Variants in CDC27 observed in about 807,000 individuals in gnomAD.
CDC27 encodes the protein cell division cycle protein 27 homolog.
A neutral mutation model predicts 109.7 loss-of-function variants in CDC27; 27 were observed. The observed-to-expected ratio is 0.25, with a 90% CI of 0.18 to 0.34. The LOEUF (loss-of-function observed/expected upper bound fraction) is 0.34, where lower values mean the gene tolerates loss of function less well. Ranked by LOEUF, CDC27 falls within the 10% of genes least tolerant of loss-of-function variation. The pLI is 1.00. For synonymous variants in CDC27, 266 were observed against 333.9 expected, an observed-to-expected ratio of 0.80 and a Z score of 2.22; for missense variants, 579 against 960.2, an observed-to-expected ratio of 0.60 and a Z score of 5.25.
chr17:47,158,301 T>TTGC lies in CDC27; in HGVS notation c.378-1_379dup (p.Cys126_Lys127insSer). On this transcript the variant is annotated inframe_insertion and splice_region_variant, in exon 5 of 19. Transcript: ENST00000066544. ...TGATCCTTTGGCAAGCCGATCTGTC[T>TTGC]TGCTGTGGAGAGAAACAAGTAGATT... 1 of 1,527,416 alleles carries TTGC rather than the reference T, an allele frequency of 6.5e-7. No homozygotes were observed. Among genetic ancestry groups the TTGC allele is most frequent in the Non-Finnish European group, 8.8e-7 (1 of 1,133,236 alleles). The allele number at this position is 1,527,416 out of a possible 1,614,324, so 94.6% of individuals were successfully genotyped here.
At chr17:47,153,046 C>A (rs1299885731) in intron 8 of CDC27, among the ~76,000 whole-genome samples, 1 of 152,206 alleles carries the variant, frequency 6.6e-6, no homozygotes, top group Non-Finnish European at 1.5e-5. Flanking sequence ...AATAAAACTT[C>A]ATAAGCCTTC....
intron 1 of CDC27, among the ~76,000 whole-genome samples, chr17:47,182,861 A>G (rs555297362): frequency 1.1e-4 from 17 of 152,160 alleles, no homozygotes; most frequent in African/African-American, 4.1e-4. Context: ...CCTGGGGTAT[A>G]TATTTAAGAA....
chr17:47,142,062 G>T, intron 11 of CDC27, 37 bp from the exon 12 acceptor site: 2 of 1,437,538 alleles, frequency 1.4e-6, no homozygotes, highest in Non-Finnish European at 1.9e-6. Context: ...AGGAAAAAAC[G>T]CAATAAACTA....
intron 9 of CDC27, among the ~76,000 whole-genome samples, chr17:47,144,593 G>A (rs550297231): frequency 1.3e-5 from 2 of 152,220 alleles, no homozygotes; most frequent in Admixed American, 1.3e-4. Context: ...TCTTTAGAGC[G>A]AAAGGAGCCT....
intron 16 of CDC27, among the ~76,000 whole-genome samples, chr17:47,126,594 A>G (rs1430896956): frequency 1.3e-5 from 2 of 152,230 alleles, no homozygotes; most frequent in Non-Finnish European, 2.9e-5. Flanking sequence ...GGTTTCTTGA[A>G]GCAAGTAAAC....
chr17:47,135,407 AGATGATGATGAT>A lies in CDC27; in HGVS notation c.1913+1733_1913+1744del, dbSNP rs201672676. The stretch of plus-strand genomic sequence containing the variant: ...ACGGAGACTTCTCATGGCCATAACT[AGATGATGATGAT>A]GATGATGATGATGATGATGATGATG... On this transcript the variant is annotated intron_variant, in intron 14 of 18. Coordinates refer to ENST00000066544, the MANE Select transcript of CDC27 (RefSeq NM_001256.6). Among the ~76,000 whole-genome samples the A allele has an allele frequency of 2.5e-4, 38 of 150,654 alleles. No homozygotes were observed. The South Asian group carries it at 2.9e-3, about 12-fold the overall frequency.
rs556075525 is a variant in CDC27, at chr17:47,172,766, T to C, written c.104-702A>G. ...ATTTTTCACCCTTATTTAGTCTATG[T>C]CTCTACTAAACTGATCATCACTTCA... is the stretch of plus-strand genomic sequence containing the variant. On this transcript the variant is annotated intron_variant, in intron 2 of 18. Transcript: ENST00000066544. Among the ~76,000 whole-genome samples the C allele has an allele frequency of 2.8e-4, 43 of 152,288 alleles. No individual in the cohort carries two copies. In the East Asian group the frequency reaches 5.2e-3, roughly 18 times the overall value.
At chr17:47,162,021 T>A (rs1375163414) in intron 4 of CDC27, 1 of 152,200 alleles carries the variant, frequency 6.6e-6, no homozygotes, top group Non-Finnish European at 1.5e-5. Flanking sequence ...TACTTCCTTA[T>A]CTAAAGCTTA....
At chr17:47,139,421 C>A (rs1294034631) in intron 12 of CDC27, among the ~76,000 whole-genome samples, 23 of 152,028 alleles carry the variant, frequency 1.5e-4, no homozygotes, top group Admixed American at 1.5e-3. Flanking sequence ...CGCCTGCCAC[C>A]ACACCTGGCT....
chr17:47,141,507 C>G (rs1450988891), intron 12 of CDC27, among the ~76,000 whole-genome samples: 4 of 151,928 alleles, frequency 2.6e-5, no homozygotes, highest in African/African-American at 9.7e-5. Flanking sequence ...AAAAATTCAC[C>G]CCAGTAATTA....
At chr17:47,153,937 A>G (rs757476278) in intron 8 of CDC27, among the ~76,000 whole-genome samples, 5 of 152,028 alleles carry the variant, frequency 3.3e-5, no homozygotes, top group Non-Finnish European at 7.4e-5. Flanking sequence ...AAAGTTAAAA[A>G]AATTAGCTGG....
chr17:47,133,135 ATAAT>A (rs1473095027), intron 14 of CDC27, among the ~76,000 whole-genome samples: 16 of 114,560 alleles, frequency 1.4e-4, no homozygotes, highest in Non-Finnish European at 2.5e-4. Context: ...ATATATATAT[ATAAT>A]ATATATGTAT....
intron 7 of CDC27, among the ~76,000 whole-genome samples, chr17:47,156,088 T>C (rs560629844): frequency 3.9e-5 from 6 of 152,302 alleles, no homozygotes; most frequent in African/African-American, 1.4e-4. Flanking sequence ...AAGACAGTAT[T>C]TTTTAATGTG....
In CDC27 at chr17:47,189,281, T is replaced by TG; in HGVS notation, c.-110dup. On this transcript the variant is annotated 5_prime_UTR_variant, in exon 1 of 19. Transcript: ENST00000066544. The stretch of plus-strand genomic sequence containing the variant: ...CTCACCAGCGACCGTTACCGGGGGA[T>TG]GGGGGAGGCCGAGCGATTGCCGAGT... The TG allele has an allele frequency of 1.2e-6, 1 of 853,478 alleles. No homozygotes were observed. Among genetic ancestry groups the TG allele is most frequent in the South Asian group, 1.4e-5 (1 of 73,008 alleles). The allele number at this position is 853,478 out of a possible 1,614,324, so 52.9% of individuals were successfully genotyped here. A position where few individuals can be genotyped will look rare whatever the true frequency, so the allele number is the denominator to read the frequency against.
chr17:47,169,879 G>A, intron 4 of CDC27, 38 bp downstream of exon 4: 1 of 1,524,600 alleles, frequency 6.6e-7, no homozygotes, highest in Non-Finnish European at 8.8e-7. Context: ...TACTTGTATG[G>A]AAATGCTTTT....
At chr17:47,169,792 G>T in intron 4 of CDC27, 125 bp downstream of exon 4, 2 of 630,170 alleles carry the variant, frequency 3.2e-6, no homozygotes, top group Non-Finnish European at 2.4e-6. Context: ...TAAGGTCATA[G>T]AATCAGACTA....
intron 1 of CDC27, among the ~76,000 whole-genome samples, chr17:47,187,788 ATTTAAG>A (rs1263435056): frequency 6.6e-6 from 1 of 151,590 alleles, no homozygotes; most frequent in African/African-American, 2.4e-5. Context: ...CTGCTTATCT[ATTTAAG>A]TTCATGTTAG....
chr17:47,123,402 CTTTTT>C (rs57868315), intron 17 of CDC27, among the ~76,000 whole-genome samples: 1 of 122,996 alleles, frequency 8.1e-6, no homozygotes, highest in African/African-American at 3.0e-5. Flanking sequence ...TTTTTTTCTA[CTTTTT>C]TTTTTTTTTT....
intron 2 of CDC27, among the ~76,000 whole-genome samples, chr17:47,178,392 G>C (rs1003945549): frequency 6.6e-6 from 1 of 151,484 alleles, no homozygotes; most frequent in Non-Finnish European, 1.5e-5. Flanking sequence ...AAAATTAGCT[G>C]GGCATGGTAG....
Sources: allele counts gnomAD v4.1 joint callset (sites outside exome capture counted in the v4.1 genomes callset), GRCh38; gene constraint gnomAD v4.1.1; transcripts MANE v1.5; gene names NCBI Gene and HGNC (gene_info 2026-07-23, HGNC 2026-07-21).